The following ARL17B variants were observed in gnomAD, a reference collection of about 807,000 sequenced individuals.
The protein encoded by ARL17B is ADP-ribosylation factor-like protein 17.
Position 46,316,613 on chromosome 17 carries a change from G to GC in ARL17B, c.260-16949_260-16948insG, listed in dbSNP as rs2051128831. On this transcript the variant is annotated intron_variant, in intron 3 of 4. Transcript: ENST00000434041. ...ACCATGCCCAGTTTTTTTTGTTTTT[G>GC]TTTTTTTTAATTTTTTTTTATTGAT... Among the ~76,000 whole-genome samples, 2 of 68,318 alleles carry GC rather than the reference G, an allele frequency of 2.9e-5. 1 individual carries two copies. 44.8% of individuals were successfully genotyped at this position (68,318 alleles called of 152,430 possible). A position where few individuals can be genotyped will look rare whatever the true frequency, so the allele number is the denominator to read the frequency against.
chr17:46,275,599 G>C (rs1232592796), intron 4 of ARL17B, among the ~76,000 whole-genome samples: 2 of 152,188 alleles, frequency 1.3e-5, no homozygotes, highest in African/African-American at 4.8e-5. Flanking sequence ...ACTTTTCACT[G>C]TACACTAAGC....
chr17:46,280,054 C>T (rs1471131563), intron 4 of ARL17B, among the ~76,000 whole-genome samples: 1 of 152,182 alleles, frequency 6.6e-6, no homozygotes, highest in Non-Finnish European at 1.5e-5. Flanking sequence ...TTTCCCTGAA[C>T]CTCTTGTTTT....
At chr17:46,287,185 T>G (rs1205477986) in intron 4 of ARL17B, among the ~76,000 whole-genome samples, 2 of 152,232 alleles carry the variant, frequency 1.3e-5, no homozygotes, top group African/African-American at 4.8e-5. Flanking sequence ...TTTCAACAAG[T>G]ACACTGCTTA....
chr17:46,314,583 A>C (rs2050971017), intron 3 of ARL17B, among the ~76,000 whole-genome samples: 1 of 76,568 alleles, frequency 1.3e-5, no homozygotes, highest in Non-Finnish European at 3.9e-5. Context: ...TCAGCCTCCC[A>C]AAATGCTGGG....
downstream of ARL17B, chr17:46,274,731 T>C (rs371046852): frequency 6.6e-6 from 1 of 152,630 alleles, no homozygotes; most frequent in Non-Finnish European, 1.5e-5. Flanking sequence ...ACGTGGCATT[T>C]CCATGGAGTT....
chr17:46,280,258 G>A (rs2049724615), intron 4 of ARL17B, among the ~76,000 whole-genome samples: 2 of 152,178 alleles, frequency 1.3e-5, no homozygotes, highest in African/African-American at 4.8e-5. Flanking sequence ...CAGCTACTTG[G>A]GAGGCTGAGG....
At chr17:46,277,785 T>C (rs2049633064) in intron 4 of ARL17B, among the ~76,000 whole-genome samples, 1 of 152,100 alleles carries the variant, frequency 6.6e-6, no homozygotes, top group Non-Finnish European at 1.5e-5. Flanking sequence ...TAGCTGGGAT[T>C]ACAGGTGCCC....
intron 3 of ARL17B, among the ~76,000 whole-genome samples, chr17:46,309,247 C>T (rs1444396694): frequency 8.2e-5 from 3 of 36,378 alleles, no homozygotes; most frequent in Admixed American, 6.8e-4. Context: ...AAGGACCAGG[C>T]GGCTAACTAT....
At chr17:46,286,005 T>A (rs1261710394) in intron 4 of ARL17B, among the ~76,000 whole-genome samples, 2 of 152,238 alleles carry the variant, frequency 1.3e-5, no homozygotes, top group East Asian at 3.8e-4. Context: ...ACAGACATAC[T>A]CATCAATGAG....
At chr17:46,280,497 A>G (rs930596658) in intron 4 of ARL17B, among the ~76,000 whole-genome samples, 4 of 152,308 alleles carry the variant, frequency 2.6e-5, no homozygotes, top group African/African-American at 9.6e-5. Context: ...TCATATAGCA[A>G]GACCCTGTCC....
chr17:46,279,500 C>CTTTTTTTTTTTTTTTTTT (rs369361891), intron 4 of ARL17B, among the ~76,000 whole-genome samples: 2 of 122,426 alleles, frequency 1.6e-5, no homozygotes, highest in South Asian at 2.5e-4. Context: ...TTCTTTCTTT[C>CTTTTTTTTTTTTTTTTTT]TTTTTTTTTT....
chr17:46,340,506 G>A (rs1213330299), intron 3 of ARL17B, among the ~76,000 whole-genome samples: 3 of 66,734 alleles, frequency 4.5e-5, no homozygotes, highest in Admixed American at 1.5e-4. Context: ...GCGAGCTACC[G>A]CGCCTGGCTT....
At chr17:46,275,250 T>G in exon 5 of ARL17B, 1 of 478,624 alleles carries the variant, frequency 2.1e-6, no homozygotes, top group Non-Finnish European at 3.5e-6. Context: ...TGGACTGTTA[T>G]GACCAATAAA....
chr17:46,300,113 T>C lies in ARL17B; in HGVS notation c.260-448A>G, dbSNP rs1445512002. Among the ~76,000 whole-genome samples the C allele has an allele frequency of 3.5e-4, 25 of 71,160 alleles. 4 individuals are homozygous for C. Among genetic ancestry groups the C allele is most frequent in the African/African-American group, 8.0e-4 (23 of 28,714 alleles). 46.7% of individuals were successfully genotyped at this position (71,160 alleles called of 152,430 possible). On this transcript the variant is annotated intron_variant, in intron 3 of 4. Coordinates refer to the ARL17B transcript ENST00000434041. The stretch of plus-strand genomic sequence containing the variant: ...CATGGTTATATTCCTTTTTGTTCTC[T>C]TTTTTGTTTTTTTTTTCAGAGACAG...
At chr17:46,343,520 T>C in intron 3 of ARL17B, among the ~76,000 whole-genome samples, 1 of 144,488 alleles carries the variant, frequency 6.9e-6, no homozygotes, top group Non-Finnish European at 1.5e-5. Context: ...GTGTATAGTA[T>C]GCTACTGTGC....
intron 4 of ARL17B, among the ~76,000 whole-genome samples, chr17:46,288,390 C>G (rs896410170): frequency 2.0e-5 from 3 of 149,510 alleles, no homozygotes; most frequent in African/African-American, 7.5e-5. Flanking sequence ...CTCACTGCAA[C>G]CTCTGTCTCC....
intron 4 of ARL17B, among the ~76,000 whole-genome samples, chr17:46,280,931 A>G (rs1480093136): frequency 6.6e-6 from 1 of 152,338 alleles, no homozygotes; most frequent in South Asian, 2.1e-4. Context: ...GAGTCCTTAC[A>G]TGACTGAAAA....
intron 3 of ARL17B, among the ~76,000 whole-genome samples, chr17:46,348,952 G>A (rs2144253134): frequency 6.9e-6 from 1 of 144,280 alleles, no homozygotes; most frequent in African/African-American, 2.7e-5. Flanking sequence ...AGATTTAGGA[G>A]GGGGGAGAAA....
At position 46,292,126 on chromosome 17, in the gene ARL17B, G is replaced by T. The variant is rs1416861383; in HGVS notation, c.*21+7400C>A. Among the ~76,000 whole-genome samples, 12 of 138,624 alleles carry T rather than the reference G, an allele frequency of 8.7e-5. No individual in the cohort carries two copies. The East Asian group carries it at 2.5e-3, about 29-fold the overall frequency. The allele number at this position is 138,624 out of a possible 152,430, so 90.9% of individuals were successfully genotyped here. ...GAGGGAGGATCACTTGAGGTCAGGA[G>T]TTCAAGACCAGCTTGGCTAACATGG... On this transcript the variant is annotated intron_variant, in intron 4 of 4. Transcript: ENST00000570618.
Sources: gnomAD v4.1 joint callset for allele counts (sites outside exome capture counted in the v4.1 genomes callset) on GRCh38, gnomAD v4.1.1 for gene constraint, MANE v1.5 for transcripts, NCBI Gene and HGNC (gene_info 2026-07-23, HGNC 2026-07-21) for gene names.